EIF5B: variants seen among roughly 807,000 people sequenced by gnomAD.
The protein encoded by EIF5B is eukaryotic translation initiation factor 5B.
A neutral mutation model predicts 147.5 loss-of-function variants in EIF5B; 47 were observed. The ratio of observed to expected loss-of-function variants is 0.32; its 90% CI spans 0.25 to 0.41. The LOEUF (loss-of-function observed/expected upper bound fraction) is 0.41. Ranked by LOEUF, EIF5B falls within the 10% of genes least tolerant of loss-of-function variation. The pLI is 1.00. For synonymous variants in EIF5B, 455 were observed against 456.2 expected (o/e 1.00, Z 0.03); for missense variants, 1,064 against 1,413.2 (o/e 0.75, Z 3.96).
At position 99,376,460 on chromosome 2, in the gene EIF5B, G is replaced by A. The variant is rs778924849; in HGVS notation, c.1666G>A (p.Glu556Lys). Residue 556 changes from glutamate (E) to lysine (K), a missense_variant, in exon 10 of 24, where the codon GAA becomes AAA. Physicochemically the swap from Glu to Lys is moderately conservative, Grantham distance 56. Transcript: ENST00000289371. ...ESEEEEEEEG[E>K]SEGSEGDEED... is the part of the protein sequence containing the mutation. ...TGAAGAAGAGGAGGAAGAGGAGGGA[G>A]AAAGTGAAGGCAGTGAAGGTGATGA... The A allele has an allele frequency of 1.2e-6, 2 of 1,604,126 alleles. No homozygotes were observed. The highest frequency in any genetic ancestry group is 2.2e-5 in the East Asian group (1 of 44,806).
chr2:99,387,975 G>A (rs1360700308), intron 14 of EIF5B, among the ~76,000 whole-genome samples: 2 of 152,032 alleles, frequency 1.3e-5, no homozygotes. Context: ...GCCTGGCCAG[G>A]CCTTCTTTAC....
chr2:99,350,670 T>C (rs916592646), intron 1 of EIF5B, among the ~76,000 whole-genome samples: 1 of 152,216 alleles, frequency 6.6e-6, no homozygotes, highest in African/African-American at 2.4e-5. Context: ...CCTTGTTAGA[T>C]ATATAGTTTG....
chr2:99,395,233 GGA>G (rs1675017847), intron 21 of EIF5B, among the ~76,000 whole-genome samples: 1 of 152,184 alleles, frequency 6.6e-6, no homozygotes, highest in African/African-American at 2.4e-5. Flanking sequence ...AGATTCTGTG[GGA>G]GAGAAGTCCA....
intron 9 of EIF5B, among the ~76,000 whole-genome samples, chr2:99,376,057 T>TGCA (rs1413237723): frequency 6.6e-6 from 1 of 152,258 alleles, no homozygotes; most frequent in African/African-American, 2.4e-5. Flanking sequence ...TTGTCCAGTC[T>TGCA]GCAGCCTGTG....
chr2:99,373,995 A>G (rs1674510489), intron 9 of EIF5B, among the ~76,000 whole-genome samples: 1 of 152,178 alleles, frequency 6.6e-6, no homozygotes, highest in South Asian at 2.1e-4. Flanking sequence ...CTATTTAGAT[A>G]TCATTGCTCT....
At chr2:99,350,070 A>G (rs906604304) in intron 1 of EIF5B, among the ~76,000 whole-genome samples, 1 of 152,158 alleles carries the variant, frequency 6.6e-6, no homozygotes, top group Non-Finnish European at 1.5e-5. Context: ...GGCATCTTTC[A>G]CTTAACATAA....
At chr2:99,353,721 C>CT (rs1434991311) in intron 1 of EIF5B, among the ~76,000 whole-genome samples, 1 of 152,122 alleles carries the variant, frequency 6.6e-6, no homozygotes, top group Non-Finnish European at 1.5e-5. Context: ...CCTCAGGTGT[C>CT]TTGTATGTTT....
intron 1 of EIF5B, among the ~76,000 whole-genome samples, chr2:99,353,005 C>CCTTTTT (rs1674009293): frequency 1.6e-5 from 1 of 62,850 alleles, no homozygotes; most frequent in Non-Finnish European, 2.7e-5. Context: ...TCTTCTTCTT[C>CCTTTTT]TTTTTTTTTT....
At chr2:99,339,113 C>G (rs2094252895) in intron 1 of EIF5B, among the ~76,000 whole-genome samples, 1 of 150,396 alleles carries the variant, frequency 6.6e-6, no homozygotes, top group Non-Finnish European at 1.5e-5. Flanking sequence ...CTCCCTGGTT[C>G]AAGCGATTCT....
chr2:99,395,833 A>T (rs929665513), intron 21 of EIF5B, among the ~76,000 whole-genome samples: 1 of 152,182 alleles, frequency 6.6e-6, no homozygotes, highest in Non-Finnish European at 1.5e-5. Context: ...TGCGAGGCAG[A>T]GTGACCAGAA....
Position 99,371,718 on chromosome 2 carries a change from G to A in EIF5B, c.1540G>A (p.Glu514Lys), listed in dbSNP as rs1674455641. The A allele has an allele frequency of 6.2e-7, 1 of 1,610,432 alleles. No individual in the cohort carries two copies. The highest frequency in any genetic ancestry group is 8.5e-7 in the Non-Finnish European group (1 of 1,178,188). Residue 514 changes from glutamate (E) to lysine (K), a missense_variant, in exon 9 of 24, where the codon GAG (glutamate) becomes AAG (lysine). Glu to Lys is a moderately conservative substitution (Grantham distance 56, BLOSUM62 1). Around this residue, in one of 4 missense-constraint regions of EIF5B, gnomAD observed 195 missense variants for 186.3 expected, o/e 1.05. Coordinates refer to ENST00000289371, the MANE Select transcript of EIF5B (RefSeq NM_015904.4). ...DDWEAMASDE[E>K]TEKVEGNKVH... ...TTGGGAAGCTATGGCCAGTGATGAG[G>A]AGACAGAAAAAGGTGAATACCTCAT...
intron 8 of EIF5B, among the ~76,000 whole-genome samples, chr2:99,370,498 G>A (rs541920164): frequency 6.6e-6 from 1 of 152,286 alleles, no homozygotes; most frequent in South Asian, 2.1e-4. Context: ...CACCTGGGTA[G>A]ACCTCAGCCT....
At chr2:99,385,508 A>G (rs1003210800) in intron 14 of EIF5B, among the ~76,000 whole-genome samples, 12 of 152,228 alleles carry the variant, frequency 7.9e-5, no homozygotes, top group Admixed American at 3.9e-4. Flanking sequence ...CAAAAAGATT[A>G]TGACTTGTTG....
At position 99,392,987 on chromosome 2, in the gene EIF5B, A is replaced by C; in HGVS notation, c.2769A>C (p.Lys923Asn). 1 of 1,551,130 alleles carries C rather than the reference A, an allele frequency of 6.4e-7. No individual in the cohort carries two copies. Among genetic ancestry groups the C allele is most frequent in the Non-Finnish European group, 8.7e-7 (1 of 1,150,690 alleles). The change falls in exon 18 of 24, where the codon AAA becomes AAC. Residue 923 changes from lysine to asparagine, a missense_variant. Lys to Asn is a moderately conservative substitution (Grantham distance 94). Coordinates refer to ENST00000289371, the MANE Select transcript of EIF5B (RefSeq NM_015904.4). ...LRVKNQYEKHKEVEAAQGVKI... is the reference protein window; with the variant it reads ...LRVKNQYEKHNEVEAAQGVKI... ...TGTAGAACCAGTATGAAAAGCATAA[A>C]GAAGTAGAAGCAGCTCAGGGGGTAA...
chr2:99,372,157 T>G (rs1674464354), intron 9 of EIF5B, among the ~76,000 whole-genome samples: 1 of 152,244 alleles, frequency 6.6e-6, no homozygotes, highest in African/African-American at 2.4e-5. Context: ...AATTTCCTGT[T>G]AATTTTACTA....
At chr2:99,352,171 C>T (rs957106700) in intron 1 of EIF5B, among the ~76,000 whole-genome samples, 2 of 152,002 alleles carry the variant, frequency 1.3e-5, no homozygotes, top group Non-Finnish European at 2.9e-5. Flanking sequence ...CATATATTTT[C>T]TCTCACTCTT....
chr2:99,349,797 T>C (rs1197892454), intron 1 of EIF5B, among the ~76,000 whole-genome samples: 2 of 152,208 alleles, frequency 1.3e-5, no homozygotes, highest in African/African-American at 2.4e-5. Context: ...ACTTGTCATT[T>C]CTTTGTGATA....
chr2:99,343,157 T>C (rs1244675322), intron 1 of EIF5B, among the ~76,000 whole-genome samples: 3 of 151,892 alleles, frequency 2.0e-5, no homozygotes, highest in Middle Eastern at 3.4e-3. Context: ...GGTTTCACCA[T>C]GTTGGCCAGG....
chr2:99,349,194 A>G (rs1264147783), intron 1 of EIF5B, among the ~76,000 whole-genome samples: 1 of 152,248 alleles, frequency 6.6e-6, no homozygotes, highest in South Asian at 2.1e-4. Context: ...CCACCTCTCA[A>G]AGAGTGTCAG....
Sources: allele counts gnomAD v4.1 joint callset (sites outside exome capture counted in the v4.1 genomes callset), GRCh38; gene constraint gnomAD v4.1.1; regional missense constraint gnomAD v4.1.1; transcripts MANE v1.5; gene names NCBI Gene and HGNC (gene_info 2026-07-23, HGNC 2026-07-21).